Variants in ZC3H7B observed in about 807,000 individuals in gnomAD.
The protein encoded by ZC3H7B is zinc finger CCCH domain-containing protein 7B.
In ZC3H7B, 35 loss-of-function variants were observed where a neutral mutation model predicts 116.0. The ratio of observed to expected loss-of-function variants is 0.30; its 90% CI spans 0.23 to 0.40. The LOEUF is 0.40. Among genes scored for constraint, ZC3H7B ranks in the 10% least tolerant of loss-of-function variants. The pLI is 1.00. For synonymous variants in ZC3H7B, 502 were observed against 545.6 expected (o/e 0.92, Z 1.11); for missense variants, 1,011 against 1,321.5 (o/e 0.77, Z 3.64).
rs1256223277 is a variant in ZC3H7B at position 41,349,315 on chromosome 22, G to A, written c.1948+14G>A. 11 of 1,611,854 alleles carry A rather than the reference G, an allele frequency of 6.8e-6. No individual in the cohort carries two copies. Among genetic ancestry groups the A allele is most frequent in the Middle Eastern group, 1.6e-4 (1 of 6,080 alleles). On this transcript the variant is annotated intron_variant, in intron 16 of 22. Coordinates refer to ENST00000352645, the MANE Select transcript of ZC3H7B (RefSeq NM_017590.6). This position sits in a 1 kb window ranked among gnomAD's most constrained non-coding sequence, Gnocchi z 4.9. ...AGCAGTACTCAGGTGAGGGGCAGGC[G>A]GTGCAGGTGGAGGGCAGGTGACTCA...
At chr22:41,354,163 T>C (rs139237224) in intron 17 of ZC3H7B, among the ~76,000 whole-genome samples, 1 of 152,280 alleles carries the variant, frequency 6.6e-6, no homozygotes, top group Non-Finnish European at 1.5e-5. Flanking sequence ...GTGGCTGTCA[T>C]TAGTGCAGTG....
At chr22:41,348,771 T>TGAGG (rs1384957513) in intron 15 of ZC3H7B, among the ~76,000 whole-genome samples, 1 of 152,184 alleles carries the variant, frequency 6.6e-6, no homozygotes, top group Non-Finnish European at 1.5e-5. Flanking sequence ...GTGAGGGTAA[T>TGAGG]TAAGACTCCT....
intron 4 of ZC3H7B, among the ~76,000 whole-genome samples, chr22:41,326,726 T>C (rs2036324335): frequency 6.6e-6 from 1 of 152,204 alleles, no homozygotes; most frequent in Non-Finnish European, 1.5e-5. Flanking sequence ...GCAGGCTCTC[T>C]AGAGGACCCC....
In ZC3H7B at chr22:41,302,223, T is replaced by G. The variant is rs2035976224; in HGVS notation, c.-7+451T>G. On this transcript the variant is annotated intron_variant, in intron 1 of 22. Transcript: ENST00000352645. The surrounding 1 kb of genome is among the most constrained non-coding windows in gnomAD (Gnocchi z 5.7). The stretch of plus-strand genomic sequence containing the variant: ...GTCGCTGGCAGGGCCCCCCTTCCTT[T>G]TGTGTTGTCCTTGGCCCCGCAGCAC... Among the ~76,000 whole-genome samples the G allele has an allele frequency of 6.6e-6, 1 of 151,264 alleles. No homozygotes were observed. Among genetic ancestry groups the G allele is most frequent in the African/African-American group, 2.4e-5 (1 of 41,266 alleles).
chr22:41,318,951 A>C (rs2036218085), intron 1 of ZC3H7B, among the ~76,000 whole-genome samples: 1 of 152,076 alleles, frequency 6.6e-6, no homozygotes, highest in Non-Finnish European at 1.5e-5. Context: ...GCTCCCTCAC[A>C]TCATACACGT....
chr22:41,329,137 A>G (rs1278734075), intron 5 of ZC3H7B, among the ~76,000 whole-genome samples: 2 of 150,808 alleles, frequency 1.3e-5, no homozygotes, highest in African/African-American at 4.9e-5. Flanking sequence ...CTCAGGAGGC[A>G]AAGGTTGTAG....
chr22:41,330,199 A>G lies in ZC3H7B; in HGVS notation c.525+96A>G, dbSNP rs898557799. 17 of 1,334,514 alleles carry G rather than the reference A, an allele frequency of 1.3e-5. No homozygotes were observed. In the Middle Eastern group the frequency reaches 9.0e-4, roughly 71 times the overall value. The allele number at this position is 1,334,514 out of a possible 1,614,324, so 82.7% of individuals were successfully genotyped here. On this transcript the variant is annotated intron_variant, in intron 6 of 22. Transcript: ENST00000352645. ...GTGGGGAAGGTGGGTGAGGGTGGCC[A>G]GGGCTGGGTTAGGACAGAGGGGAGT...
intron 1 of ZC3H7B, among the ~76,000 whole-genome samples, chr22:41,306,638 G>C (rs929609294): frequency 1.1e-4 from 17 of 152,270 alleles, no homozygotes; most frequent in African/African-American, 3.1e-4. Context: ...TCAAAGTGCT[G>C]GGATTACAGG....
intron 7 of ZC3H7B, chr22:41,334,459 C>A (rs188739536): frequency 6.6e-6 from 1 of 152,340 alleles, no homozygotes; most frequent in Non-Finnish European, 1.5e-5. Flanking sequence ...GCACCAGGCC[C>A]CCCCCAGTCC....
intron 13 of ZC3H7B, among the ~76,000 whole-genome samples, chr22:41,344,784 C>G (rs2036564104): frequency 6.6e-6 from 1 of 152,138 alleles, no homozygotes; most frequent in Non-Finnish European, 1.5e-5. Flanking sequence ...TCCAGATGGC[C>G]CAGCCCCCAG....
chr22:41,323,261 C>G (rs2036279879), intron 2 of ZC3H7B, among the ~76,000 whole-genome samples: 1 of 152,244 alleles, frequency 6.6e-6, no homozygotes, highest in Non-Finnish European at 1.5e-5. Context: ...TAGCTCATCT[C>G]TCTTCATGGG....
At chr22:41,331,055 G>C (rs553880332) in intron 6 of ZC3H7B, among the ~76,000 whole-genome samples, 14 of 144,640 alleles carry the variant, frequency 9.7e-5, no homozygotes, top group Admixed American at 8.3e-4. Context: ...ATTTTTAGTA[G>C]AGATGGGGTT....
chr22:41,340,157 C>A lies in ZC3H7B; in HGVS notation c.1138+20C>A. 2 of 1,578,282 alleles carry A rather than the reference C, an allele frequency of 1.3e-6. No individual in the cohort carries two copies. Among genetic ancestry groups the A allele is most frequent in the Non-Finnish European group, 8.6e-7 (1 of 1,161,222 alleles). On this transcript the variant is annotated intron_variant, in intron 10 of 22. Transcript: ENST00000352645. Reference sequence around the variant, plus strand: ...TCATGGGTAAGGCCATGGGTGGGCCCGTTCAACCTCCCTGGACAGGTTGCA... The same window carrying A: ...TCATGGGTAAGGCCATGGGTGGGCCAGTTCAACCTCCCTGGACAGGTTGCA...
At chr22:41,319,900 G>A (rs989714460) in intron 1 of ZC3H7B, among the ~76,000 whole-genome samples, 2 of 151,734 alleles carry the variant, frequency 1.3e-5, no homozygotes, top group African/African-American at 4.8e-5. Flanking sequence ...GCGTGGTAGT[G>A]CATGCCTGGA....
chr22:41,356,006 C>T lies in ZC3H7B; in HGVS notation c.2327C>T (p.Ser776Phe). 1.9e-6 allele frequency: 3 copies of T among 1,566,180 alleles called. No homozygotes were observed. The highest frequency in any genetic ancestry group is 1.7e-4 in the Middle Eastern group (1 of 5,812). The change falls in exon 20 of 23, where the codon TCC becomes TTC. Residue 776 changes from serine (S) to phenylalanine (F), a missense_variant. Coordinates refer to ENST00000352645, the MANE Select transcript of ZC3H7B (RefSeq NM_017590.6). The stretch of plus-strand genomic sequence containing the variant: ...AAGTGCCAATATGTGGGGAACTGCT[C>T]CTTCGCACACAGCCCGGAGGAGAGG... ...GRKCQYVGNC[S>F]FAHSPEERDM...
intron 1 of ZC3H7B, among the ~76,000 whole-genome samples, chr22:41,319,140 G>A (rs887349364): frequency 1.2e-4 from 19 of 152,146 alleles, no homozygotes; most frequent in Non-Finnish European, 1.9e-4. Context: ...AGTGGCTCAC[G>A]CCTGTAATCC....
intron 1 of ZC3H7B, among the ~76,000 whole-genome samples, chr22:41,312,119 T>C (rs1464644606): frequency 6.9e-6 from 1 of 145,494 alleles, no homozygotes; most frequent in Non-Finnish European, 1.5e-5. Context: ...TTCGTGCCAC[T>C]GCACTCCAGC....
Position 41,357,427 on chromosome 22 carries a change from T to C in ZC3H7B, c.2932T>C (p.Ter978GlnextTer85), listed in dbSNP as rs2036736331. The change falls in exon 23 of 23, where the codon TAG (stop) becomes CAG (glutamine). Residue 978 changes from the stop codon to glutamine (Q), a stop_lost. Transcript: ENST00000352645. This position sits in a 1 kb window ranked among gnomAD's most constrained non-coding sequence, Gnocchi z 5.4. ...AAAATATTGE[*>Q] ...TGCTGCCACCGCCACCACTGGGGAG[T>C]AGGGCCAGGTGTTGGCCGTGGGTGA... 1 of 1,607,526 alleles carries C rather than the reference T, an allele frequency of 6.2e-7. No homozygotes were observed. Among genetic ancestry groups the C allele is most frequent in the Non-Finnish European group, 8.5e-7 (1 of 1,178,286 alleles).
intron 1 of ZC3H7B, among the ~76,000 whole-genome samples, chr22:41,313,447 C>T (rs2036144089): frequency 6.6e-6 from 1 of 152,092 alleles, no homozygotes; most frequent in Non-Finnish European, 1.5e-5. Context: ...CAATCACTGG[C>T]AAGGGAAAAA....
Sources: gnomAD v4.1 joint callset for allele counts (sites outside exome capture counted in the v4.1 genomes callset) on GRCh38, gnomAD v4.1.1 for gene constraint, Gnocchi (gnomAD v3.1) non-coding constraint, MANE v1.5 for transcripts, NCBI Gene and HGNC (gene_info 2026-07-23, HGNC 2026-07-21) for gene names.